Variants in PRKG1 observed in about 807,000 individuals in gnomAD.
PRKG1 encodes the protein cGMP-dependent protein kinase 1.
PRKG1 carries 35 observed loss-of-function variants against 88.1 expected under a neutral mutation model. That is an observed-to-expected ratio of 0.40 (90% CI 0.30 to 0.53). The LOEUF (loss-of-function observed/expected upper bound fraction) is 0.53. PRKG1 is among the 20% of genes least tolerant of loss of function. The probability of loss-of-function intolerance (pLI) is 0.59; values close to 1 mark genes in which losing one functional copy is unlikely to be tolerated. For synonymous variants in PRKG1, 303 were observed against 292.5 expected (o/e 1.04, Z -0.37); for missense variants, 540 against 839.8 (o/e 0.64, Z 4.41).
intron 7 of PRKG1, among the ~76,000 whole-genome samples, chr10:52,075,648 T>C (rs10824020): frequency 0.17 from 26,249 of 152,170 alleles, 2,874 homozygotes; most frequent in South Asian, 0.28. Flanking sequence ...CAAAAAATAC[T>C]GTAGATTAGG....
At chr10:51,753,645 A>ACC (rs879770493) in intron 3 of PRKG1, among the ~76,000 whole-genome samples, 11 of 152,154 alleles carry the variant, frequency 7.2e-5, no homozygotes, top group Non-Finnish European at 1.5e-4. Context: ...GTTCATAGTA[A>ACC]GCCTTTAATA....
intron 3 of PRKG1, among the ~76,000 whole-genome samples, chr10:51,623,900 C>T (rs994197669): frequency 3.9e-5 from 6 of 152,048 alleles, no homozygotes; most frequent in Admixed American, 3.9e-4. Flanking sequence ...CAGGCATTAC[C>T]GTGTAATTTC....
At chr10:51,968,820 CAAAA>C (rs56810665) in intron 5 of PRKG1, among the ~76,000 whole-genome samples, 13 of 105,450 alleles carry the variant, frequency 1.2e-4, no homozygotes, top group African/African-American at 3.0e-4. Flanking sequence ...AAAACTCCAT[CAAAA>C]AAAAAAAAAA....
intron 8 of PRKG1, among the ~76,000 whole-genome samples, chr10:52,154,541 T>A (rs1454608112): frequency 6.6e-6 from 1 of 152,212 alleles, no homozygotes; most frequent in African/African-American, 2.4e-5. Flanking sequence ...TATATAAATA[T>A]TTAAGATAGA....
At chr10:52,291,315 T>A (rs963518363) in intron 17 of PRKG1, among the ~76,000 whole-genome samples, 1 of 151,780 alleles carries the variant, frequency 6.6e-6, no homozygotes, top group African/African-American at 2.4e-5. Flanking sequence ...GCAGGTTAGT[T>A]ACATATGTAT....
intron 3 of PRKG1, among the ~76,000 whole-genome samples, chr10:51,758,078 C>T (rs1344492466): frequency 1.3e-5 from 2 of 152,068 alleles, no homozygotes; most frequent in Admixed American, 6.6e-5. Context: ...AAGAAAATTA[C>T]ACAATTTATC....
At chr10:51,100,117 C>G (rs1219364432) in intron 1 of PRKG1, among the ~76,000 whole-genome samples, 1 of 152,068 alleles carries the variant, frequency 6.6e-6, no homozygotes, top group Admixed American at 6.6e-5. Flanking sequence ...TGGTCCTGAA[C>G]CCCTGGCATT....
At chr10:51,542,957 A>C (rs1450088576) in intron 3 of PRKG1, among the ~76,000 whole-genome samples, 2 of 152,114 alleles carry the variant, frequency 1.3e-5, no homozygotes, top group African/African-American at 4.8e-5. Flanking sequence ...AACGTGGGGG[A>C]CATTGAGTGT....
intron 1 of PRKG1, among the ~76,000 whole-genome samples, chr10:51,122,165 G>A (rs1047735958): frequency 1.3e-5 from 2 of 152,182 alleles, no homozygotes; most frequent in African/African-American, 4.8e-5. Flanking sequence ...TCAGGCTTTA[G>A]CCTTCTTCGG....
intron 3 of PRKG1, among the ~76,000 whole-genome samples, chr10:51,778,869 A>G (rs1290011494): frequency 7.2e-5 from 11 of 152,188 alleles, no homozygotes; most frequent in African/African-American, 4.8e-5. Flanking sequence ...AAATCCCTAC[A>G]TATTTTGATT....
intron 1 of PRKG1, among the ~76,000 whole-genome samples, chr10:51,025,113 TTCTTCCTCTTTCCTAGATGAAA>T (rs1413412122): frequency 1.3e-5 from 2 of 152,220 alleles, no homozygotes; most frequent in African/African-American, 4.8e-5. Context: ...CATAGACTTG[TTCTTCCTCTTTCCTAGATGAAA>T]TCTTGTGCAG....
intron 3 of PRKG1, among the ~76,000 whole-genome samples, chr10:51,758,148 CTA>C (rs374651416): frequency 5.3e-5 from 8 of 152,106 alleles, no homozygotes; most frequent in African/African-American, 1.4e-4. Flanking sequence ...AAAATTTAAA[CTA>C]TGTGCTTATG....
intron 2 of PRKG1, among the ~76,000 whole-genome samples, chr10:51,168,397 T>C (rs1474905561): frequency 1.3e-5 from 2 of 152,162 alleles, no homozygotes; most frequent in Admixed American, 1.3e-4. Context: ...GTTTTAAAAA[T>C]GTAGTTAATT....
intron 1 of PRKG1, among the ~76,000 whole-genome samples, chr10:51,097,689 C>T (rs549595433): frequency 1.3e-5 from 2 of 152,256 alleles, no homozygotes; most frequent in South Asian, 2.1e-4. Flanking sequence ...AGTGCCCGCC[C>T]TCCTTCAGAG....
rs550302742 is a variant in PRKG1, at chr10:51,826,472, T to C, written c.698+21782T>C. Among the ~76,000 whole-genome samples the C allele has an allele frequency of 2.2e-4, 34 of 152,324 alleles. No homozygotes were observed. In the South Asian group the frequency reaches 6.2e-3, roughly 28 times the overall value. The stretch of plus-strand genomic sequence containing the variant: ...ATTGAGGAAGTGCTGGAGGACTAAG[T>C]TGATAATAAAAACTCTCAATTTGAG... On this transcript the variant is annotated intron_variant, in intron 4 of 17. Transcript: ENST00000373980.
rs1049278270 is a variant in PRKG1, at chr10:51,374,094, A to T, written c.479-93629A>T. ...CTGGCAGAGGTTGCAAAAAAAAAAAATATATATATATATATATATGTACTT... is the reference window on the plus strand; with the variant it reads ...CTGGCAGAGGTTGCAAAAAAAAAAATTATATATATATATATATATGTACTT... On this transcript the variant is annotated intron_variant, in intron 2 of 17. Coordinates refer to ENST00000373980, the MANE Select transcript of PRKG1 (RefSeq NM_006258.4). 1.9e-4 allele frequency among the ~76,000 whole-genome samples: 13 copies of T among 68,148 alleles called. 1 individual carries two copies. Among genetic ancestry groups the T allele is most frequent in the African/African-American group, 6.0e-4 (13 of 21,642 alleles). The allele number at this position is 68,148 out of a possible 152,430, so 44.7% of individuals were successfully genotyped here.
intron 4 of PRKG1, among the ~76,000 whole-genome samples, chr10:51,840,511 C>A (rs1269752392): frequency 6.8e-6 from 1 of 146,380 alleles, no homozygotes; most frequent in Non-Finnish European, 1.5e-5. Flanking sequence ...TTTATTGAAC[C>A]CTCTATTTTA....
rs1457126330 is a variant in PRKG1, at chr10:51,516,632, G to T, written c.592+48796G>T. Among the ~76,000 whole-genome samples, 3 of 152,176 alleles carry T rather than the reference G, an allele frequency of 2.0e-5. No homozygotes were observed. In the East Asian group the frequency reaches 5.8e-4, roughly 29 times the overall value. On this transcript the variant is annotated intron_variant, in intron 3 of 17. Transcript: ENST00000373980. ...TGGAAGGATAAATAAGAAGGAAAAA[G>T]ACACAAAGGAATGAATACCTGGTGG...
intron 4 of PRKG1, among the ~76,000 whole-genome samples, chr10:51,829,668 G>A (rs550831897): frequency 1.4e-4 from 21 of 152,214 alleles, no homozygotes; most frequent in East Asian, 5.8e-4. Context: ...CTAAATACAC[G>A]TGAACACACA....
Sources: allele counts gnomAD v4.1 joint callset (sites outside exome capture counted in the v4.1 genomes callset), GRCh38; gene constraint gnomAD v4.1.1; transcripts MANE v1.5; gene names NCBI Gene and HGNC (gene_info 2026-07-23, HGNC 2026-07-21).